The following CCDC85A variants were observed in gnomAD, a reference collection of about 807,000 sequenced individuals.
CCDC85A encodes coiled-coil domain containing 85A.
In CCDC85A, 38 loss-of-function variants were observed where a neutral mutation model predicts 50.2. The ratio of observed to expected loss-of-function variants is 0.76; its 90% confidence interval spans 0.58 to 0.99. CCDC85A has a LOEUF of 0.99. CCDC85A is among the 50% of genes least tolerant of loss of function. The pLI is 0.00. For missense variants in CCDC85A, 820 were observed against 742.0 expected, an observed-to-expected ratio of 1.11 and a Z score of -1.22; for synonymous variants, 366 against 301.4, an observed-to-expected ratio of 1.21 and a Z score of -2.22.
rs553139923 is a variant in CCDC85A at position 56,256,942 on chromosome 2, A to T, written c.1240+63502A>T. 3.5e-4 allele frequency among the ~76,000 whole-genome samples: 53 copies of T among 152,330 alleles called. 1 individual carries two copies. The South Asian group carries it at 8.7e-3, about 25-fold the overall frequency. ...AATAACTGGTAGTAATTTCAAACAG[A>T]TTCAAATTGTCAAACATGTTTGAGA... On this transcript the variant is annotated intron_variant, in intron 2 of 5. Coordinates refer to ENST00000407595, the MANE Select transcript of CCDC85A (RefSeq NM_001080433.2).
At chr2:56,242,491 T>C (rs1573085427) in intron 2 of CCDC85A, among the ~76,000 whole-genome samples, 1 of 152,132 alleles carries the variant, frequency 6.6e-6, no homozygotes, top group East Asian at 1.9e-4. Flanking sequence ...CTCCACACTT[T>C]TACACAACCA....
At chr2:56,335,122 C>T (rs1303733862) in intron 2 of CCDC85A, among the ~76,000 whole-genome samples, 2 of 152,016 alleles carry the variant, frequency 1.3e-5, no homozygotes, top group Non-Finnish European at 2.9e-5. Context: ...ATAAGAAAAG[C>T]GTCAAATTTT....
At chr2:56,242,630 A>G (rs1196152598) in intron 2 of CCDC85A, among the ~76,000 whole-genome samples, 1 of 152,174 alleles carries the variant, frequency 6.6e-6, no homozygotes. Flanking sequence ...GGTAATTACA[A>G]TTCAACATAA....
intron 2 of CCDC85A, among the ~76,000 whole-genome samples, chr2:56,233,221 C>T (rs1573067737): frequency 6.6e-6 from 1 of 152,266 alleles, no homozygotes; most frequent in Middle Eastern, 3.4e-3. Context: ...TAGTACTTTC[C>T]CGGATAGGCA....
intron 2 of CCDC85A, among the ~76,000 whole-genome samples, chr2:56,269,854 A>G (rs1213675314): frequency 6.6e-6 from 1 of 152,162 alleles, no homozygotes; most frequent in Non-Finnish European, 1.5e-5. Context: ...ATCCATTTCG[A>G]AAAATAGCGC....
chr2:56,298,417 G>A (rs1573203921), intron 2 of CCDC85A, among the ~76,000 whole-genome samples: 1 of 151,882 alleles, frequency 6.6e-6, no homozygotes, highest in African/African-American at 2.4e-5. Flanking sequence ...GGCTGCGTTT[G>A]GAAAAAAAGT....
At chr2:56,218,204 C>G (rs1036542257) in intron 2 of CCDC85A, among the ~76,000 whole-genome samples, 1 of 151,848 alleles carries the variant, frequency 6.6e-6, no homozygotes, top group African/African-American at 2.4e-5. Flanking sequence ...TGCTAAATAT[C>G]CTCTTTTTAT....
At chr2:56,231,630 A>C (rs372071888) in intron 2 of CCDC85A, among the ~76,000 whole-genome samples, 69 of 152,134 alleles carry the variant, frequency 4.5e-4, no homozygotes, top group Non-Finnish European at 9.3e-4. Context: ...CTGTAGACCA[A>C]GGTTTTTTAA....
At chr2:56,230,372 C>T (rs1423831080) in intron 2 of CCDC85A, among the ~76,000 whole-genome samples, 2 of 152,062 alleles carry the variant, frequency 1.3e-5, no homozygotes, top group African/African-American at 4.8e-5. Context: ...TTTTGTGTTC[C>T]CTACTCTCTT....
At chr2:56,218,644 C>A (rs566277134) in intron 2 of CCDC85A, among the ~76,000 whole-genome samples, 1 of 151,892 alleles carries the variant, frequency 6.6e-6, no homozygotes, top group East Asian at 1.9e-4. Flanking sequence ...TAACATTTGT[C>A]CCCCAAATAT....
intron 2 of CCDC85A, among the ~76,000 whole-genome samples, chr2:56,234,093 C>A (rs1668894698): frequency 6.6e-6 from 1 of 152,172 alleles, no homozygotes; most frequent in Admixed American, 6.5e-5. Context: ...TCTTTTATTT[C>A]TTGGTATTAT....
At chr2:56,357,848 A>T (rs1314038156) in intron 3 of CCDC85A, among the ~76,000 whole-genome samples, 3 of 152,138 alleles carry the variant, frequency 2.0e-5, no homozygotes, top group Non-Finnish European at 4.4e-5. Context: ...CCAGTGTGTC[A>T]TCAGTTCCAA....
chr2:56,360,421 G>A (rs748633892), intron 3 of CCDC85A, among the ~76,000 whole-genome samples: 2 of 152,268 alleles, frequency 1.3e-5, no homozygotes, highest in East Asian at 3.9e-4. Flanking sequence ...TCTTGAGTTA[G>A]CAAAAATGCT....
intron 2 of CCDC85A, among the ~76,000 whole-genome samples, chr2:56,222,898 T>C (rs554398794): frequency 6.6e-6 from 1 of 152,270 alleles, no homozygotes; most frequent in East Asian, 1.9e-4. Context: ...TCAAAAACAA[T>C]TTGCATGCTT....
At chr2:56,287,513 C>T (rs150731395) in intron 2 of CCDC85A, among the ~76,000 whole-genome samples, 81 of 152,336 alleles carry the variant, frequency 5.3e-4, no homozygotes, top group African/African-American at 1.9e-3. Context: ...CACCAACTTT[C>T]TAGTTGTTTA....
At chr2:56,297,841 A>G (rs17047776) in intron 2 of CCDC85A, among the ~76,000 whole-genome samples, 3,324 of 152,074 alleles carry the variant, frequency 0.022, 187 homozygotes, top group East Asian at 0.2. Flanking sequence ...CATTTGGCAG[A>G]TGGTTAGCTG....
chr2:56,356,759 C>A (rs1453578017), intron 3 of CCDC85A, among the ~76,000 whole-genome samples: 1 of 147,732 alleles, frequency 6.8e-6, no homozygotes, highest in Non-Finnish European at 1.5e-5. Flanking sequence ...AAAAGGACTT[C>A]GGAGAGGTCA....
At chr2:56,233,761 G>A (rs573903390) in intron 2 of CCDC85A, among the ~76,000 whole-genome samples, 15 of 152,290 alleles carry the variant, frequency 9.8e-5, no homozygotes, top group African/African-American at 3.6e-4. Context: ...AATGGCCTCT[G>A]TAACCAATCC....
intron 2 of CCDC85A, among the ~76,000 whole-genome samples, chr2:56,280,153 A>T (rs998541607): frequency 6.6e-6 from 1 of 151,984 alleles, no homozygotes; most frequent in Non-Finnish European, 1.5e-5. Context: ...TCCCTCTAGC[A>T]CTTTTGAGTT....
Sources: gnomAD v4.1 joint callset for allele counts (sites outside exome capture counted in the v4.1 genomes callset) on GRCh38, gnomAD v4.1.1 for gene constraint, MANE v1.5 for transcripts, NCBI Gene and HGNC (gene_info 2026-07-23, HGNC 2026-07-21) for gene names.